The following PIP4K2A variants were observed in gnomAD, a reference collection of about 807,000 sequenced individuals.
The protein encoded by PIP4K2A is phosphatidylinositol-5-phosphate 4-kinase type 2 alpha, also known as phosphatidylinositol 5-phosphate 4-kinase type-2 alpha.
PIP4K2A carries 14 observed loss-of-function variants against 42.9 expected under a neutral mutation model. The ratio of observed to expected loss-of-function variants is 0.33; its 90% confidence interval spans 0.22 to 0.51. PIP4K2A has a LOEUF of 0.51. Among genes scored for constraint, PIP4K2A ranks in the 20% least tolerant of loss-of-function variants. The probability of loss-of-function intolerance (pLI) is 0.97; values close to 1 mark genes in which losing one functional copy is unlikely to be tolerated. For missense variants in PIP4K2A, 434 were observed against 519.8 expected (o/e 0.83, Z 1.61); for synonymous variants, 192 against 192.2 (o/e 1.00, Z 0.01).
chr10:22,625,953 TCTGATA>T (rs1838427046), intron 1 of PIP4K2A, among the ~76,000 whole-genome samples: 1 of 152,168 alleles, frequency 6.6e-6, no homozygotes, highest in Non-Finnish European at 1.5e-5. Context: ...GATTCAGACT[TCTGATA>T]AAGGCCTGTG....
At chr10:22,695,662 A>C (rs1049490509) in intron 1 of PIP4K2A, among the ~76,000 whole-genome samples, 3 of 152,160 alleles carry the variant, frequency 2.0e-5, no homozygotes, top group Middle Eastern at 3.2e-3. Context: ...AGGACTCCCC[A>C]GGATACCACA....
chr10:22,541,631 G>A (rs1308378198), intron 8 of PIP4K2A, among the ~76,000 whole-genome samples, 173 bp downstream of exon 8: 1 of 152,136 alleles, frequency 6.6e-6, no homozygotes, highest in African/African-American at 2.4e-5. Flanking sequence ...TTTCAGCACT[G>A]AGATCACGGT....
At chr10:22,648,015 C>T (rs1012496415) in intron 1 of PIP4K2A, among the ~76,000 whole-genome samples, 19 of 152,216 alleles carry the variant, frequency 1.2e-4, no homozygotes, top group African/African-American at 4.6e-4. Flanking sequence ...CTTCCTGAAT[C>T]CTTTCCTACG....
intron 4 of PIP4K2A, among the ~76,000 whole-genome samples, chr10:22,577,533 C>T (rs1036769688): frequency 8.5e-5 from 13 of 152,174 alleles, no homozygotes; most frequent in South Asian, 8.3e-4. Context: ...GTCTCACCAG[C>T]GACAGATGCT....
At chr10:22,571,711 AAAG>A (rs1836991895) in intron 5 of PIP4K2A, among the ~76,000 whole-genome samples, 2 of 152,366 alleles carry the variant, frequency 1.3e-5, no homozygotes, top group East Asian at 1.9e-4. Context: ...GTGTAGTATC[AAAG>A]AAGAATATCT....
intron 1 of PIP4K2A, among the ~76,000 whole-genome samples, chr10:22,692,245 A>G (rs1442422832): frequency 6.6e-6 from 1 of 151,898 alleles, no homozygotes; most frequent in Non-Finnish European, 1.5e-5. Context: ...GCAGTTCACA[A>G]TAGGGTTTGC....
intron 4 of PIP4K2A, among the ~76,000 whole-genome samples, chr10:22,589,064 A>G (rs1364185414): frequency 2.0e-5 from 3 of 152,232 alleles, no homozygotes; most frequent in Admixed American, 6.5e-5. Context: ...TGATTTTTGT[A>G]AAGTCAAAGG....
chr10:22,709,149 A>C (rs1444057699), intron 1 of PIP4K2A, among the ~76,000 whole-genome samples: 2 of 152,008 alleles, frequency 1.3e-5, no homozygotes, highest in Non-Finnish European at 2.9e-5. Flanking sequence ...AAACACCTTA[A>C]ATTTTGAGAA....
At chr10:22,559,272 C>T (rs1187835283) in intron 6 of PIP4K2A, among the ~76,000 whole-genome samples, 1 of 152,192 alleles carries the variant, frequency 6.6e-6, no homozygotes, top group African/African-American at 2.4e-5. Flanking sequence ...TTTTGGAAGT[C>T]TTCTCTCCAC....
intron 1 of PIP4K2A, among the ~76,000 whole-genome samples, chr10:22,677,420 C>G (rs1019215359): frequency 6.6e-6 from 1 of 152,104 alleles, no homozygotes; most frequent in African/African-American, 2.4e-5. Context: ...TGAGGAGACC[C>G]CAAGAGGGAG....
intron 1 of PIP4K2A, among the ~76,000 whole-genome samples, chr10:22,713,370 G>A (rs1332613479): frequency 6.6e-6 from 1 of 151,434 alleles, no homozygotes; most frequent in African/African-American, 2.4e-5. Context: ...GCCCGCGCCC[G>A]CCGGGACCCC....
At chr10:22,576,186 T>G (rs907934995) in intron 4 of PIP4K2A, among the ~76,000 whole-genome samples, 2 of 152,126 alleles carry the variant, frequency 1.3e-5, no homozygotes, top group Non-Finnish European at 1.5e-5. Context: ...TAGAGAAAAT[T>G]ATACCTATTA....
At chr10:22,653,147 C>T (rs1485105816) in intron 1 of PIP4K2A, among the ~76,000 whole-genome samples, 4 of 152,094 alleles carry the variant, frequency 2.6e-5, no homozygotes, top group African/African-American at 9.7e-5. Flanking sequence ...TCATACTGTA[C>T]ACTAAGTTAA....
intron 1 of PIP4K2A, among the ~76,000 whole-genome samples, chr10:22,656,840 T>C (rs1400190058): frequency 1.3e-5 from 2 of 151,352 alleles, no homozygotes; most frequent in Non-Finnish European, 2.9e-5. Context: ...AGCCAGGCCA[T>C]GGTAAACTAT....
At chr10:22,642,950 G>A (rs1838810881) in intron 1 of PIP4K2A, among the ~76,000 whole-genome samples, 1 of 152,146 alleles carries the variant, frequency 6.6e-6, no homozygotes, top group Non-Finnish European at 1.5e-5. Context: ...TAGTCTGTCT[G>A]CTGTGGAGAT....
At chr10:22,604,683 A>G (rs899359505) in intron 3 of PIP4K2A, among the ~76,000 whole-genome samples, 3 of 152,064 alleles carry the variant, frequency 2.0e-5, no homozygotes, top group African/African-American at 7.2e-5. Flanking sequence ...TTTTTTTCCG[A>G]TATACGCAGT....
chr10:22,537,054 A>C lies in PIP4K2A; in HGVS notation c.*147T>G. The stretch of plus-strand genomic sequence containing the variant: ...GGTAGCTGTAAAGCGAGTAGCCCCC[A>C]AATCAGTCATCTTGGCCTGAAGATG... On this transcript the variant is annotated 3_prime_UTR_variant, in exon 10 of 10. Transcript: ENST00000376573. The C allele has an allele frequency of 1.6e-6, 1 of 614,034 alleles. No individual in the cohort carries two copies. The highest frequency in any genetic ancestry group is 2.9e-6 in the Non-Finnish European group (1 of 343,292). 38.0% of individuals were successfully genotyped at this position (614,034 alleles called of 1,614,324 possible). A position where few individuals can be genotyped will look rare whatever the true frequency, so the allele number is the denominator to read the frequency against.
rs189341538 is a variant in PIP4K2A at position 22,568,761 on chromosome 10, A to C, written c.640-872T>G. 8.5e-5 allele frequency among the ~76,000 whole-genome samples: 13 copies of C among 152,336 alleles called. No homozygotes were observed. The East Asian group carries it at 2.3e-3, about 27-fold the overall frequency. Reference sequence around the variant, plus strand: ...ATTTTAATTCAAAAGAAAAGCTGGGAAACAAATGGTCTGGTGAATTCCTAA... The same window carrying C: ...ATTTTAATTCAAAAGAAAAGCTGGGCAACAAATGGTCTGGTGAATTCCTAA... On this transcript the variant is annotated intron_variant, in intron 5 of 9. Transcript: ENST00000376573.
intron 3 of PIP4K2A, among the ~76,000 whole-genome samples, chr10:22,601,864 C>T (rs1479618595): frequency 6.6e-6 from 1 of 152,218 alleles, no homozygotes; most frequent in Non-Finnish European, 1.5e-5. Context: ...ACATCCCTCC[C>T]TCTGTGACCC....
Sources: gnomAD v4.1 joint callset for allele counts (sites outside exome capture counted in the v4.1 genomes callset) on GRCh38, gnomAD v4.1.1 for gene constraint, MANE v1.5 for transcripts, NCBI Gene and HGNC (gene_info 2026-07-23, HGNC 2026-07-21) for gene names.